NOS3: variants seen among roughly 807,000 people sequenced by gnomAD.
NOS3 encodes the protein NOS type III.
A neutral mutation model predicts 144.9 loss-of-function variants in NOS3; 98 were observed. The ratio of observed to expected loss-of-function variants is 0.68; its 90% CI spans 0.57 to 0.80. The LOEUF is 0.80. Ranked by LOEUF, NOS3 falls within the 30% of genes least tolerant of loss-of-function variation. The probability of loss-of-function intolerance (pLI) is 0.00; values close to 1 mark genes in which losing one functional copy is unlikely to be tolerated. For synonymous variants in NOS3, 714 were observed against 702.4 expected, an observed-to-expected ratio of 1.02 and a Z score of -0.26; for missense variants, 1,465 against 1,656.4, an observed-to-expected ratio of 0.88 and a Z score of 2.01.
chr7:151,012,218 GTT>G, intron 23 of NOS3, 131 bp from the exon 24 acceptor site: 2 of 522,030 alleles, frequency 3.8e-6, no homozygotes, highest in East Asian at 4.1e-5. Flanking sequence ...GTTGTTTTTT[GTT>G]TTTTGTTTTT....
rs943588082 is a variant in NOS3 at position 150,996,489 on chromosome 7, C to T, written c.356C>T (p.Ala119Val). Reference sequence around the variant, plus strand: ...GGCCGGCCCTCCCCCGGCCCCCCGGCCCCTGAGCAGCTGCTGAGTCAGGCC... The same window carrying T: ...GGCCGGCCCTCCCCCGGCCCCCCGGTCCCTGAGCAGCTGCTGAGTCAGGCC... Reference protein sequence around the residue: ...LQGRPSPGPPAPEQLLSQARD... With the variant: ...LQGRPSPGPPVPEQLLSQARD... Residue 119 changes from alanine (A) to valine (V), a missense_variant, in exon 4 of 27, where the codon GCC (alanine) becomes GTC (valine). By Grantham distance (64) the Ala-to-Val change is moderately conservative. This residue lies in a region of NOS3 where 374 missense variants were observed against 377.0 expected (regional missense o/e 0.99). Coordinates refer to ENST00000297494, the MANE Select transcript of NOS3 (RefSeq NM_000603.5). 1 of 1,604,452 alleles carries T rather than the reference C, an allele frequency of 6.2e-7. No individual in the cohort carries two copies.
rs73472537 is a variant in NOS3 at position 151,001,008 on chromosome 7, G to A, written c.1234-223G>A. Among the ~76,000 whole-genome samples the A allele has an allele frequency of 5.7e-3, 869 of 152,286 alleles. 7 individuals are homozygous for A. Among genetic ancestry groups the A allele is most frequent in the African/African-American group, 0.02 (822 of 41,548 alleles). ...ATTTGGTTTGGGGACCAGGCATGCAGATGCTGGAGATTAGAGCTGCTTGTT... is the reference window on the plus strand; with the variant it reads ...ATTTGGTTTGGGGACCAGGCATGCAAATGCTGGAGATTAGAGCTGCTTGTT... On this transcript the variant is annotated intron_variant, in intron 10 of 26. Coordinates refer to ENST00000297494, the MANE Select transcript of NOS3 (RefSeq NM_000603.5).
intron 1 of NOS3, among the ~76,000 whole-genome samples, chr7:150,992,659 A>T (rs986966563): frequency 6.9e-6 from 1 of 143,922 alleles, no homozygotes; most frequent in Non-Finnish European, 1.5e-5. Context: ...ACTGCTTTTC[A>T]GAGGAGTCTG....
chr7:150,997,996 G>T (rs1243914934), intron 5 of NOS3, among the ~76,000 whole-genome samples: 2 of 152,192 alleles, frequency 1.3e-5, no homozygotes, highest in African/African-American at 2.4e-5. Flanking sequence ...TTTCTTGAAT[G>T]CCATGGATCA....
chr7:151,004,816 G>A lies in NOS3; in HGVS notation c.1753-1611G>A, dbSNP rs115533949. 1.8e-3 allele frequency among the ~76,000 whole-genome samples: 269 copies of A among 152,066 alleles called. 1 individual carries two copies. The highest frequency in any genetic ancestry group is 6.2e-3 in the African/African-American group (258 of 41,390). The stretch of plus-strand genomic sequence containing the variant: ...GGCAGTGACAGGAAGAAGGCACGAA[G>A]TTGGCTTCTAGGATGCGGGTAATGT... On this transcript the variant is annotated intron_variant, in intron 14 of 26. Coordinates refer to ENST00000297494, the MANE Select transcript of NOS3 (RefSeq NM_000603.5).
At chr7:151,009,693 C>A in intron 20 of NOS3, 108 bp downstream of exon 20, 1 of 923,020 alleles carries the variant, frequency 1.1e-6, no homozygotes, top group Non-Finnish European at 1.6e-6. Flanking sequence ...GTGGCCACCT[C>A]CTCCACAGCT....
At chr7:151,005,836 T>A (rs1267868824) in intron 14 of NOS3, among the ~76,000 whole-genome samples, 1 of 152,150 alleles carries the variant, frequency 6.6e-6, no homozygotes, top group Non-Finnish European at 1.5e-5. Flanking sequence ...AAGGCCAGAC[T>A]GAACAACACA....
rs1795133742 is a variant in NOS3, at chr7:151,002,567, G to A, written c.1752+263G>A. 6.6e-6 allele frequency among the ~76,000 whole-genome samples: 1 copy of A among 152,100 alleles called. No homozygotes were observed. Among genetic ancestry groups the A allele is most frequent in the South Asian group, 2.1e-4 (1 of 4,828 alleles). ...CCTGCAAGCACATTTGCTTAACTGC[G>A]CGTCCCCAAGTCATTTCCATTATCA... On this transcript the variant is annotated intron_variant, in intron 14 of 26. Coordinates refer to ENST00000297494, the MANE Select transcript of NOS3 (RefSeq NM_000603.5). The surrounding 1 kb of genome is among the most constrained non-coding windows in gnomAD (Gnocchi z 4.1).
Position 151,014,308 on chromosome 7 carries a change from A to G in NOS3, c.*139A>G. 2.1e-6 allele frequency: 2 copies of G among 936,574 alleles called. No homozygotes were observed. Among genetic ancestry groups the G allele is most frequent in the Non-Finnish European group, 3.1e-6 (2 of 644,294 alleles). 58.0% of individuals were successfully genotyped at this position (936,574 alleles called of 1,614,324 possible). On this transcript the variant is annotated 3_prime_UTR_variant, in exon 27 of 27. Coordinates refer to ENST00000297494, the MANE Select transcript of NOS3 (RefSeq NM_000603.5). ...CCAGAGGCTGCAAGGATTCAGCATT[A>G]TTCCTCCAGGAAGGAGCAAAACGCC...
In NOS3 at chr7:151,001,323, T is replaced by G. The variant is rs747597654; in HGVS notation, c.1326T>G (p.Pro442=). Residue 442 remains proline (P), a synonymous_variant, in exon 11 of 27, where the codon CCT becomes CCG. Coordinates refer to ENST00000297494, the MANE Select transcript of NOS3 (RefSeq NM_000603.5). The part of the protein sequence containing the change: ...ENEQKARGGC[P]ADWAWIVPPI... ...AGCAGAAGGCCAGGGGGGGCTGCCC[T>G]GCAGACTGGGCCTGGATCGTGCCCC... 5 of 1,613,730 alleles carry G rather than the reference T, an allele frequency of 3.1e-6. No individual in the cohort carries two copies. In the South Asian group the frequency reaches 4.4e-5, roughly 14 times the overall value.
intron 17 of NOS3, among the ~76,000 whole-genome samples, chr7:151,008,516 A>G (rs1363363667): frequency 6.6e-6 from 1 of 152,186 alleles, no homozygotes. Context: ...AGGGCTTTAC[A>G]TAAAGTATCT....
Position 151,012,430 on chromosome 7 carries a change from C to T in NOS3, c.3064C>T (p.Arg1022Trp), listed in dbSNP as rs140510569. 6.2e-6 allele frequency: 10 copies of T among 1,610,914 alleles called. No homozygotes were observed. The highest frequency in any genetic ancestry group is 1.1e-5 in the South Asian group (1 of 90,118). ...TCCAGGCACTGGCATTGCCCCCTTC[C>T]GGGGATTCTGGCAGGAGCGGCTGCA... Reference protein sequence around the residue: ...VGPGTGIAPFRGFWQERLHDI... With the variant: ...VGPGTGIAPFWGFWQERLHDI... The change falls in exon 24 of 27, where the codon CGG becomes TGG. Residue 1022 changes from arginine (R) to tryptophan (W), a missense_variant. This residue lies in a region of NOS3 where 106 missense variants were observed against 167.7 expected (regional missense o/e 0.63). Transcript: ENST00000297494.
Position 151,010,687 on chromosome 7 carries a change from C to CCA in NOS3, c.2778_2779dup (p.Leu927HisfsTer32), listed in dbSNP as rs761328611. On this transcript the variant is annotated frameshift_variant, in exon 22 of 27. Coordinates refer to ENST00000297494, the MANE Select transcript of NOS3 (RefSeq NM_000603.5). LOFTEE classifies it high-confidence loss of function. The stretch of plus-strand genomic sequence containing the variant: ...GTTCCCGTCGGTGGCGCTGCCTGCC[C>CCA]CACTGCTCCTCACCCAGCTGCCTCT... 8 of 1,610,354 alleles carry CCA rather than the reference C, an allele frequency of 5.0e-6. No homozygotes were observed. Among genetic ancestry groups the CCA allele is most frequent in the Non-Finnish European group, 6.8e-6 (8 of 1,178,704 alleles).
chr7:151,005,068 G>A, intron 14 of NOS3, among the ~76,000 whole-genome samples: 1 of 152,072 alleles, frequency 6.6e-6, no homozygotes, highest in African/African-American at 2.4e-5. Context: ...ATGTTGGCCA[G>A]GCTGGTCTTG....
intron 2 of NOS3, 119 bp downstream of exon 2, chr7:150,994,080 A>G (rs2117095907): frequency 9.4e-7 from 1 of 1,066,134 alleles, no homozygotes; most frequent in East Asian, 2.6e-5. Flanking sequence ...ACAAATGCAA[A>G]AGGGCTATTA....
Position 151,009,273 on chromosome 7 carries a change from G to T in NOS3, c.2324+6G>T, listed in dbSNP as rs1795254054. 1 of 1,611,260 alleles carries T rather than the reference G, an allele frequency of 6.2e-7. No homozygotes were observed. The highest frequency in any genetic ancestry group is 1.3e-5 in the African/African-American group (1 of 74,936). On this transcript the variant is annotated splice_donor_region_variant and intron_variant, in intron 19 of 26. Transcript: ENST00000297494. Reference sequence around the variant, plus strand: ...CTGCAAAGCAGCAAGTCCACGTGAGGACGACGGCTTTACCGCCCCCCCACC... The same window carrying T: ...CTGCAAAGCAGCAAGTCCACGTGAGTACGACGGCTTTACCGCCCCCCCACC...
chr7:150,999,685 G>T (rs1014195512), intron 9 of NOS3, among the ~76,000 whole-genome samples: 2 of 150,550 alleles, frequency 1.3e-5, no homozygotes, highest in African/African-American at 4.9e-5. Context: ...GGTGTGTGGG[G>T]GTAGGTGGGT....
intron 25 of NOS3, 66 bp downstream of exon 25, chr7:151,013,445 C>T: frequency 6.5e-7 from 1 of 1,534,450 alleles, no homozygotes; most frequent in Non-Finnish European, 8.8e-7. Context: ...TCGCGCTCTC[C>T]AGCGGGGCAC....
At chr7:150,991,688 G>C (rs1802257609) in intron 1 of NOS3, among the ~76,000 whole-genome samples, 1 of 152,210 alleles carries the variant, frequency 6.6e-6, no homozygotes, top group Non-Finnish European at 1.5e-5. Context: ...ACGGGCCACA[G>C]CCAGTGGTGC....
Sources: gnomAD v4.1 joint callset for allele counts (sites outside exome capture counted in the v4.1 genomes callset) on GRCh38, gnomAD v4.1.1 for gene constraint, gnomAD v4.1.1 regional missense constraint, Gnocchi (gnomAD v3.1) non-coding constraint, MANE v1.5 for transcripts, NCBI Gene and HGNC (gene_info 2026-07-23, HGNC 2026-07-21) for gene names.